CLCN3: variants seen among roughly 807,000 people sequenced by gnomAD.
CLCN3 encodes H(+)/Cl(-) exchange transporter 3.
A neutral mutation model predicts 83.4 loss-of-function variants in CLCN3; 16 were observed. The observed-to-expected ratio is 0.19, with a 90% confidence interval of 0.13 to 0.29. The LOEUF is 0.29. CLCN3 is among the 10% of genes least tolerant of loss of function. CLCN3 has a pLI of 1.00. For synonymous variants in CLCN3, 322 were observed against 346.2 expected, an observed-to-expected ratio of 0.93 and a Z score of 0.78; for missense variants, 544 against 1,006.0, an observed-to-expected ratio of 0.54 and a Z score of 6.21.
chr4:169,666,013 TATGTGGA>T (rs1731232619), intron 2 of CLCN3, among the ~76,000 whole-genome samples: 1 of 151,590 alleles, frequency 6.6e-6, no homozygotes, highest in African/African-American at 2.4e-5. Context: ...TCAGCAAATA[TATGTGGA>T]AAGCTTGTGG....
intron 2 of CLCN3, among the ~76,000 whole-genome samples, chr4:169,665,547 T>C (rs1196516940): frequency 6.6e-6 from 1 of 152,120 alleles, no homozygotes; most frequent in Non-Finnish European, 1.5e-5. Context: ...TTAGAACGTT[T>C]ACTTTCCCAT....
At chr4:169,706,043 GGA>G (rs2150265957) in intron 10 of CLCN3, among the ~76,000 whole-genome samples, 1 of 151,982 alleles carries the variant, frequency 6.6e-6, no homozygotes, top group East Asian at 1.9e-4. Flanking sequence ...ATGAGGGCTT[GGA>G]CTGGATTGAT....
intron 2 of CLCN3, among the ~76,000 whole-genome samples, chr4:169,677,435 G>A (rs1320583845): frequency 6.6e-6 from 1 of 152,168 alleles, no homozygotes; most frequent in Non-Finnish European, 1.5e-5. Context: ...TTGAGTTGTT[G>A]CAACTGTGTG....
intron 6 of CLCN3, among the ~76,000 whole-genome samples, chr4:169,691,445 T>C (rs1431845772): frequency 1.3e-5 from 2 of 152,198 alleles, no homozygotes; most frequent in South Asian, 2.1e-4. Context: ...GTACAAACTT[T>C]TGGGTTTTAT....
intron 2 of CLCN3, among the ~76,000 whole-genome samples, chr4:169,643,441 G>A (rs1026150751): frequency 2.0e-5 from 3 of 152,056 alleles, no homozygotes; most frequent in African/African-American, 7.2e-5. Context: ...TGTTAGTCAA[G>A]CTGGTCTCAA....
chr4:169,682,063 GT>G (rs1348439162), intron 3 of CLCN3, among the ~76,000 whole-genome samples: 1 of 152,120 alleles, frequency 6.6e-6, no homozygotes, highest in African/African-American at 2.4e-5. Flanking sequence ...AAGATTAGTT[GT>G]AATGTGTACT....
chr4:169,716,515 T>TA (rs148665174), intron 12 of CLCN3, among the ~76,000 whole-genome samples: 11,474 of 151,962 alleles, frequency 0.076, 1,397 homozygotes, highest in African/African-American at 0.26. Flanking sequence ...ATTGATGGCT[T>TA]AAAAAAAAGA....
chr4:169,642,631 ACCT>A (rs1249876121), intron 2 of CLCN3: 10 of 151,972 alleles, frequency 6.6e-5, no homozygotes, highest in Non-Finnish European at 1.5e-4. Context: ...CCATCCTCCC[ACCT>A]CAGCCTCCTG....
At chr4:169,671,712 C>CT (rs1731464838) in intron 2 of CLCN3, among the ~76,000 whole-genome samples, 1 of 152,134 alleles carries the variant, frequency 6.6e-6, no homozygotes, top group Non-Finnish European at 1.5e-5. Context: ...CTGTGTATTT[C>CT]TTTTCCTATG....
chr4:169,707,203 A>G lies in CLCN3; in HGVS notation c.2086A>G (p.Met696Val). 6.2e-7 allele frequency: 1 copy of G among 1,613,940 alleles called. No homozygotes were observed. The highest frequency in any genetic ancestry group is 8.5e-7 in the Non-Finnish European group (1 of 1,179,862). Residue 696 changes from methionine to valine, a missense_variant, in exon 11 of 13, where the codon ATG becomes GTG. Met to Val is a conservative substitution (Grantham distance 21). Coordinates refer to ENST00000513761, the MANE Select transcript of CLCN3 (RefSeq NM_001829.4). ...ETSYNGFPVI[M>V]SKESQRLVGF... is the part of the protein sequence containing the mutation. ...CAGCTACAATGGATTTCCTGTCATA[A>G]TGTCAAAAGAATCTCAGAGATTAGT...
chr4:169,682,224 TAATAC>T (rs1206771728), intron 3 of CLCN3, among the ~76,000 whole-genome samples: 1 of 151,960 alleles, frequency 6.6e-6, no homozygotes, highest in Non-Finnish European at 1.5e-5. Flanking sequence ...TTATATAATA[TAATAC>T]AATATTTTAA....
chr4:169,679,495 C>T (rs1468131934), intron 2 of CLCN3, among the ~76,000 whole-genome samples: 5 of 151,998 alleles, frequency 3.3e-5, no homozygotes, highest in East Asian at 3.9e-4. Flanking sequence ...GGGTGGCGGC[C>T]GGGCAGAGGC....
At chr4:169,718,181 G>C (rs1463758939) in intron 12 of CLCN3, among the ~76,000 whole-genome samples, 1 of 151,784 alleles carries the variant, frequency 6.6e-6, no homozygotes, top group South Asian at 2.1e-4. Context: ...TGGCAAATCT[G>C]TCTACCTCAG....
At chr4:169,713,050 A>C (rs1415061248) in intron 11 of CLCN3, 29 bp from the exon 12 acceptor site, 1 of 1,555,800 alleles carries the variant, frequency 6.4e-7, no homozygotes, top group East Asian at 2.2e-5. Flanking sequence ...ATCAGTTTAA[A>C]AGTGTTGGTC....
Position 169,679,141 on chromosome 4 carries a change from G to C in CLCN3, c.161-909G>C, listed in dbSNP as rs569470835. ...GGCTCCTCACTTCTCAGATGGGGTC[G>C]CGGCTGGGCAGAGGTGCTCCTCACC... On this transcript the variant is annotated intron_variant, in intron 2 of 12. Transcript: ENST00000513761. 4.6e-5 allele frequency among the ~76,000 whole-genome samples: 7 copies of C among 151,058 alleles called. No individual in the cohort carries two copies. The East Asian group carries it at 9.8e-4, about 21-fold the overall frequency.
intron 2 of CLCN3, among the ~76,000 whole-genome samples, chr4:169,638,823 C>A (rs1452523512): frequency 2.0e-5 from 3 of 152,170 alleles, no homozygotes; most frequent in Non-Finnish European, 4.4e-5. Flanking sequence ...AGAACCTTAT[C>A]ATTAGACTTC....
At position 169,697,178 on chromosome 4, in the gene CLCN3, CT is replaced by C. The variant is rs755506165; in HGVS notation, c.1018-3del. 3.0e-5 allele frequency: 46 copies of C among 1,528,636 alleles called. No individual in the cohort carries two copies. The highest frequency in any genetic ancestry group is 6.8e-5 in the Admixed American group (3 of 44,418). The allele number at this position is 1,528,636 out of a possible 1,614,324, so 94.7% of individuals were successfully genotyped here. On this transcript the variant is annotated splice_polypyrimidine_tract_variant and intron_variant, in intron 8 of 12. Transcript: ENST00000513761. ...TAGCATTAATTTTTCTTTTCCTTTT[CT>C]TTTTTTTAGGTTAGCTATTATTTTC...
At chr4:169,700,851 T>C (rs961323607) in intron 9 of CLCN3, among the ~76,000 whole-genome samples, 12 of 152,322 alleles carry the variant, frequency 7.9e-5, no homozygotes, top group African/African-American at 2.9e-4. Context: ...TACTTTAATT[T>C]AAAAATACTT....
chr4:169,639,881 A>G (rs1730356701), intron 2 of CLCN3, among the ~76,000 whole-genome samples: 1 of 152,188 alleles, frequency 6.6e-6, no homozygotes. Context: ...ATGAAAATCC[A>G]TGATGTTCAG....
Sources: gnomAD v4.1 joint callset for allele counts (sites outside exome capture counted in the v4.1 genomes callset) on GRCh38, gnomAD v4.1.1 for gene constraint, MANE v1.5 for transcripts, NCBI Gene and HGNC (gene_info 2026-07-23, HGNC 2026-07-21) for gene names.